The following SLC25A26 variants were observed in gnomAD, a reference collection of about 807,000 sequenced individuals.
SLC25A26 encodes mitochondrial S-adenosylmethionine carrier protein.
In SLC25A26, 36 loss-of-function variants were observed where a neutral mutation model predicts 37.8. The observed-to-expected ratio is 0.95, with a 90% confidence interval of 0.73 to 1.26. SLC25A26 has a LOEUF of 1.26. SLC25A26 is among the 50% of genes most tolerant of loss of function. The pLI, the probability that SLC25A26 is intolerant of heterozygous loss-of-function variation, is 0.00. For synonymous variants in SLC25A26, 129 were observed against 122.5 expected (o/e 1.05, Z -0.35); for missense variants, 390 against 331.1 (o/e 1.18, Z -1.38).
intron 9 of SLC25A26, among the ~76,000 whole-genome samples, chr3:66,372,502 G>A (rs1344197918): frequency 1.3e-5 from 2 of 152,094 alleles, no homozygotes; most frequent in Non-Finnish European, 2.9e-5. Context: ...GCAGAGGAGG[G>A]GTGTCTTCCT....
chr3:66,208,330 T>C (rs1236416768), intron 1 of SLC25A26, among the ~76,000 whole-genome samples: 1 of 152,126 alleles, frequency 6.6e-6, no homozygotes, highest in East Asian at 1.9e-4. Flanking sequence ...TTGCTCTAGT[T>C]GGAATCAGTT....
intron 3 of SLC25A26, among the ~76,000 whole-genome samples, chr3:66,250,624 T>TG (rs201113875): frequency 8.5e-6 from 1 of 117,820 alleles, no homozygotes; most frequent in African/African-American, 3.6e-5. Context: ...TTCCGTAGGT[T>TG]GGGGGGTATC....
At chr3:66,334,917 G>C (rs1404012475) in intron 5 of SLC25A26, among the ~76,000 whole-genome samples, 20 of 151,932 alleles carry the variant, frequency 1.3e-4, no homozygotes, top group Non-Finnish European at 8.8e-5. Flanking sequence ...TTTATTAGCT[G>C]ATACTTATTT....
chr3:66,253,178 C>T (rs1025568544), intron 3 of SLC25A26, among the ~76,000 whole-genome samples: 10 of 151,430 alleles, frequency 6.6e-5, no homozygotes, highest in Admixed American at 1.3e-4. Context: ...GAGGCTAAGG[C>T]GGGCGGATCG....
At chr3:66,353,484 T>G (rs2076506981) in intron 6 of SLC25A26, among the ~76,000 whole-genome samples, 1 of 152,206 alleles carries the variant, frequency 6.6e-6, no homozygotes, top group South Asian at 2.1e-4. Context: ...AACTCCAGAC[T>G]TGATATTCTT....
At chr3:66,333,261 T>C (rs1301207618) in intron 5 of SLC25A26, among the ~76,000 whole-genome samples, 2 of 152,168 alleles carry the variant, frequency 1.3e-5, no homozygotes, top group Non-Finnish European at 2.9e-5. Flanking sequence ...CGTCTTTTCA[T>C]CTTTCTTCAG....
chr3:66,274,285 A>G, intron 5 of SLC25A26, among the ~76,000 whole-genome samples: 1 of 152,074 alleles, frequency 6.6e-6, no homozygotes. Context: ...TAGACCTAAA[A>G]CCATAAAAAC....
chr3:66,233,529 TG>T lies in SLC25A26; in HGVS notation c.34-3013del, dbSNP rs1296383593. Among the ~76,000 whole-genome samples, 7 of 152,368 alleles carry T rather than the reference TG, an allele frequency of 4.6e-5. No individual in the cohort carries two copies. The East Asian group carries it at 1.3e-3, about 29-fold the overall frequency. On this transcript the variant is annotated intron_variant, in intron 1 of 9. Transcript: ENST00000354883. ...CAGGCTAAAGAATAAAAGAGTTTGATGGAGTTCTTTATAATTAGGTTGTTAC... is the reference window on the plus strand; with the variant it reads ...CAGGCTAAAGAATAAAAGAGTTTGATGAGTTCTTTATAATTAGGTTGTTAC...
intron 1 of SLC25A26, among the ~76,000 whole-genome samples, chr3:66,197,049 C>T (rs917116931): frequency 5.3e-5 from 8 of 152,070 alleles, no homozygotes; most frequent in Admixed American, 2.0e-4. Context: ...AGTAAGAATG[C>T]GCCTTTGAAA....
At chr3:66,319,541 A>AT (rs2075635744) in intron 5 of SLC25A26, among the ~76,000 whole-genome samples, 1 of 152,092 alleles carries the variant, frequency 6.6e-6, no homozygotes, top group African/African-American at 2.4e-5. Context: ...CTTATCTGTT[A>AT]TTAGTGAGCT....
chr3:66,309,137 C>T (rs925591712), intron 5 of SLC25A26, among the ~76,000 whole-genome samples: 20 of 151,740 alleles, frequency 1.3e-4, no homozygotes, highest in African/African-American at 3.6e-4. Context: ...CGGCTGTGAG[C>T]CATCTGGGCT....
chr3:66,177,851 G>C (rs2070617892), intron 1 of SLC25A26, among the ~76,000 whole-genome samples: 2 of 152,184 alleles, frequency 1.3e-5, no homozygotes. Context: ...CTGTAATCTG[G>C]TATAGGCCAC....
At chr3:66,323,860 G>A (rs1222427715) in intron 5 of SLC25A26, 2 of 152,210 alleles carry the variant, frequency 1.3e-5, no homozygotes, top group African/African-American at 4.8e-5. Context: ...GACATACTGG[G>A]TGTGGTGGTG....
intron 5 of SLC25A26, among the ~76,000 whole-genome samples, chr3:66,303,973 C>T (rs1307816426): frequency 6.6e-6 from 1 of 152,212 alleles, no homozygotes; most frequent in African/African-American, 2.4e-5. Flanking sequence ...GAGGTCCTTG[C>T]CATGTGGCCC....
chr3:66,320,843 T>C lies in SLC25A26; in HGVS notation c.454-25521T>C, dbSNP rs552413252. 3.3e-5 allele frequency among the ~76,000 whole-genome samples: 5 copies of C among 152,362 alleles called. No homozygotes were observed. In the South Asian group the frequency reaches 1.0e-3, roughly 32 times the overall value. Reference sequence around the variant, plus strand: ...CGTTTAAGATAATTTGTTTATGAAATATTTAAACTTTGGTTAAAAGTGCCC... The same window carrying C: ...CGTTTAAGATAATTTGTTTATGAAACATTTAAACTTTGGTTAAAAGTGCCC... On this transcript the variant is annotated intron_variant, in intron 5 of 9. Transcript: ENST00000354883.
intron 4 of SLC25A26, among the ~76,000 whole-genome samples, chr3:66,263,008 A>G (rs993673221): frequency 6.6e-6 from 1 of 152,222 alleles, no homozygotes; most frequent in Non-Finnish European, 1.5e-5. Flanking sequence ...ATGTTAGAGC[A>G]ATTAAGTACT....
chr3:66,219,890 G>C (rs1176491834), upstream of SLC25A26, among the ~76,000 whole-genome samples: 1 of 152,176 alleles, frequency 6.6e-6, no homozygotes, highest in Non-Finnish European at 1.5e-5. Context: ...CTTTACAGGG[G>C]AGAAAACTTA....
At chr3:66,148,709 A>G (rs2070155671) in intron 1 of SLC25A26, among the ~76,000 whole-genome samples, 1 of 152,092 alleles carries the variant, frequency 6.6e-6, no homozygotes, top group South Asian at 2.1e-4. Context: ...TTATTCCTTC[A>G]TTTTCTTCTT....
At chr3:66,264,320 T>C (rs767269421) in intron 5 of SLC25A26, among the ~76,000 whole-genome samples, 3 of 152,122 alleles carry the variant, frequency 2.0e-5, no homozygotes, top group Non-Finnish European at 2.9e-5. Context: ...ATATCAAGTT[T>C]ATTACTGAAT....
Sources: allele counts gnomAD v4.1 joint callset (sites outside exome capture counted in the v4.1 genomes callset), GRCh38; gene constraint gnomAD v4.1.1; transcripts MANE v1.5; gene names NCBI Gene and HGNC (gene_info 2026-07-23, HGNC 2026-07-21).